The following VWDE variants were observed in gnomAD, a reference collection of about 807,000 sequenced individuals.
VWDE encodes von Willebrand factor D and EGF domain-containing protein.
A neutral mutation model predicts 178.4 loss-of-function variants in VWDE; 207 were observed. That is an observed-to-expected ratio of 1.16 (90% CI 1.04 to 1.30). VWDE has a LOEUF of 1.30. Among genes scored for constraint, VWDE ranks in the 50% most tolerant of loss-of-function variants. VWDE has a pLI of 0.00. For missense variants in VWDE, 2,287 were observed against 1,901.3 expected (o/e 1.20, Z -3.77); for synonymous variants, 738 against 651.4 (o/e 1.13, Z -2.02).
chr7:12,333,808 T>C (rs904714520), intron 27 of VWDE: 1 of 327,016 alleles, frequency 3.1e-6, no homozygotes, highest in East Asian at 4.9e-5. Flanking sequence ...AAAGATATTA[T>C]TAAAAGAAAC....
intron 19 of VWDE, among the ~76,000 whole-genome samples, chr7:12,349,768 C>G (rs908156552): frequency 6.6e-6 from 1 of 151,854 alleles, no homozygotes; most frequent in Non-Finnish European, 1.5e-5. Context: ...CAACTTCTAT[C>G]TAGGAAAAAT....
chr7:12,369,429 T>G (rs1473403053), intron 12 of VWDE, 116 bp downstream of exon 12: 5 of 1,297,408 alleles, frequency 3.9e-6, no homozygotes, highest in Non-Finnish European at 5.1e-6. Flanking sequence ...ATTTGGAGGT[T>G]TTCTCTATAA....
chr7:12,351,787 C>G (rs763620370), intron 18 of VWDE, 74 bp from the exon 19 acceptor site: 16 of 1,311,040 alleles, frequency 1.2e-5, no homozygotes, highest in Non-Finnish European at 1.4e-5. Flanking sequence ...TAAGAATATA[C>G]AATACAAACG....
At chr7:12,341,001 CCA>C (rs1340782427) in intron 23 of VWDE, among the ~76,000 whole-genome samples, 2 of 152,162 alleles carry the variant, frequency 1.3e-5, no homozygotes, top group Non-Finnish European at 2.9e-5. Context: ...TACCCATTCA[CCA>C]ACATCTACTA....
intron 18 of VWDE, among the ~76,000 whole-genome samples, chr7:12,352,897 T>G (rs1245373308): frequency 6.6e-6 from 1 of 152,216 alleles, no homozygotes. Flanking sequence ...TTTTGTCCAT[T>G]TTCCTCTAAA....
Position 12,377,257 on chromosome 7 carries a change from G to C in VWDE, c.1024+519C>G, listed in dbSNP as rs559708294. On this transcript the variant is annotated intron_variant, in intron 7 of 28. Coordinates refer to ENST00000275358, the MANE Select transcript of VWDE (RefSeq NM_001135924.3). ...ATGTATCACAACATCCATATAATCA[G>C]TAATTGAAATAGAAGAATTTTAAGA... 2.0e-3 allele frequency among the ~76,000 whole-genome samples: 309 copies of C among 152,156 alleles called. 3 individuals are homozygous for C. The highest frequency in any genetic ancestry group is 6.8e-3 in the African/African-American group (283 of 41,538).
intron 16 of VWDE, 116 bp from the exon 17 acceptor site, chr7:12,357,631 C>T: frequency 1.7e-6 from 2 of 1,150,550 alleles, no homozygotes; most frequent in South Asian, 3.3e-5. Flanking sequence ...GCTAAAAGGT[C>T]TATTAGCTGC....
chr7:12,335,564 T>C (rs1583268099), intron 27 of VWDE, among the ~76,000 whole-genome samples: 1 of 152,136 alleles, frequency 6.6e-6, no homozygotes, highest in Non-Finnish European at 1.5e-5. Context: ...CACGCCATTC[T>C]CCTGCCTCAG....
Position 12,369,930 on chromosome 7 carries a change from G to A in VWDE, c.2376C>T (p.Phe792=). 1 of 1,551,382 alleles carries A rather than the reference G, an allele frequency of 6.4e-7. No homozygotes were observed. Among genetic ancestry groups the A allele is most frequent in the Non-Finnish European group, 8.7e-7 (1 of 1,146,814 alleles). Reference sequence around the variant, plus strand: ...GGCCAGAGGGAGTGGGCCAAGAGGGGAAAAACTCTTGCTGTACATCCTCAG... The same window carrying A: ...GGCCAGAGGGAGTGGGCCAAGAGGGAAAAAACTCTTGCTGTACATCCTCAG... ...DHAEDVQQEF[F]PSWPTPSGLT... Residue 792 remains phenylalanine (F), a synonymous_variant, in exon 12 of 29, where the codon TTC becomes TTT. Transcript: ENST00000275358.
At chr7:12,338,365 T>A (rs1304574938) in intron 24 of VWDE, among the ~76,000 whole-genome samples, 1 of 151,814 alleles carries the variant, frequency 6.6e-6, no homozygotes, top group Non-Finnish European at 1.5e-5. Context: ...CTGCTCCCTA[T>A]CCTTCATACA....
intron 23 of VWDE, among the ~76,000 whole-genome samples, chr7:12,341,144 A>C (rs879400072): frequency 0.019 from 2,836 of 152,262 alleles, 83 homozygotes; most frequent in African/African-American, 0.064. Flanking sequence ...ATAATTTTAT[A>C]ATTTTATAAT....
rs143050520 is a variant in VWDE, at chr7:12,395,043, T to G, written c.59-1265A>C. Among the ~76,000 whole-genome samples the G allele has an allele frequency of 2.3e-3, 347 of 152,244 alleles. 1 individual carries two copies. The highest frequency in any genetic ancestry group is 8.0e-3 in the African/African-American group (332 of 41,570). On this transcript the variant is annotated intron_variant, in intron 1 of 28. Transcript: ENST00000275358. ...GTTTGTAGTTATGGCAATTAAACTA[T>G]ACAAAGATATTATTTTCCAAATGAT... is the stretch of plus-strand genomic sequence containing the variant.
At chr7:12,371,411 G>C (rs1783193325) in intron 10 of VWDE, among the ~76,000 whole-genome samples, 1 of 152,044 alleles carries the variant, frequency 6.6e-6, no homozygotes, top group Admixed American at 6.6e-5. Flanking sequence ...CTAGTAGCCT[G>C]TGCAATCTAA....
At chr7:12,392,194 T>C (rs143456753) in intron 2 of VWDE, among the ~76,000 whole-genome samples, 18 of 152,334 alleles carry the variant, frequency 1.2e-4, no homozygotes, top group Non-Finnish European at 5.9e-5. Flanking sequence ...TATAATGAAG[T>C]AACACTAGCT....
chr7:12,386,387 T>C (rs940293123), intron 3 of VWDE, among the ~76,000 whole-genome samples: 5 of 152,176 alleles, frequency 3.3e-5, no homozygotes, highest in African/African-American at 4.8e-5. Flanking sequence ...AGCAGCTGTG[T>C]ACAGAATGTG....
intron 21 of VWDE, 79 bp from the exon 22 acceptor site, chr7:12,343,257 T>C: frequency 2.0e-6 from 2 of 1,023,364 alleles, no homozygotes; most frequent in Non-Finnish European, 1.4e-6. Flanking sequence ...ACTGTCACAA[T>C]AAAATCTTGT....
rs530799017 is a variant in VWDE, at chr7:12,379,282, TTTAG to T, written c.879+191_879+194del. Among the ~76,000 whole-genome samples the T allele has an allele frequency of 3.4e-3, 521 of 152,348 alleles. 2 individuals are homozygous for T. The highest frequency in any genetic ancestry group is 0.014 in the Middle Eastern group (4 of 294). Reference sequence around the variant, plus strand: ...TTAAAAAATGAAGGTACATCTCAACTTTAGTTAACAAGACCCCTCAAACTTTGTT... The same window carrying T: ...TTAAAAAATGAAGGTACATCTCAACTTTAACAAGACCCCTCAAACTTTGTT... On this transcript the variant is annotated intron_variant, in intron 6 of 28. Transcript: ENST00000275358.
intron 2 of VWDE, among the ~76,000 whole-genome samples, chr7:12,392,333 A>G (rs887773902): frequency 3.9e-5 from 6 of 152,226 alleles, no homozygotes; most frequent in Admixed American, 2.6e-4. Flanking sequence ...CATATAACTT[A>G]GGATGCTGAG....
chr7:12,383,203 C>T (rs1194271628), intron 4 of VWDE, among the ~76,000 whole-genome samples: 2 of 152,060 alleles, frequency 1.3e-5, no homozygotes, highest in Admixed American at 6.5e-5. Flanking sequence ...TGTTCGCACA[C>T]TTCCCTAAAT....
Sources: gnomAD v4.1 joint callset for allele counts (sites outside exome capture counted in the v4.1 genomes callset) on GRCh38, gnomAD v4.1.1 for gene constraint, MANE v1.5 for transcripts, NCBI Gene and HGNC (gene_info 2026-07-23, HGNC 2026-07-21) for gene names.